Variants in LHFPL3 observed in about 807,000 individuals in gnomAD.
The protein encoded by LHFPL3 is LHFPL tetraspan subfamily member 3 protein.
In LHFPL3, 5 loss-of-function variants were observed where a neutral mutation model predicts 19.3. That is an observed-to-expected ratio of 0.26 (90% CI 0.14 to 0.54). LHFPL3 has a LOEUF of 0.54. LHFPL3 is among the 20% of genes least tolerant of loss of function. The probability of loss-of-function intolerance (pLI) is 0.94; values close to 1 mark genes in which losing one functional copy is unlikely to be tolerated. For synonymous variants in LHFPL3, 133 were observed against 126.2 expected (o/e 1.05, Z -0.36); for missense variants, 249 against 307.4 (o/e 0.81, Z 1.42).
chr7:104,761,431 A>C (rs914677934), intron 2 of LHFPL3, among the ~76,000 whole-genome samples: 1 of 152,118 alleles, frequency 6.6e-6, no homozygotes, highest in Non-Finnish European at 1.5e-5. Flanking sequence ...GAGCAAAAAC[A>C]ATAGGAGGAA....
chr7:104,882,624 G>C (rs1018034234), intron 2 of LHFPL3, among the ~76,000 whole-genome samples: 3 of 152,172 alleles, frequency 2.0e-5, no homozygotes, highest in African/African-American at 4.8e-5. Flanking sequence ...GTGGTATCCA[G>C]GGCCTGAGGG....
At chr7:104,583,897 T>C (rs1317634433) in intron 1 of LHFPL3, among the ~76,000 whole-genome samples, 2 of 151,740 alleles carry the variant, frequency 1.3e-5, no homozygotes. Context: ...GAAGTCAGTG[T>C]GGCGATTCCT....
intron 1 of LHFPL3, among the ~76,000 whole-genome samples, chr7:104,518,302 T>C (rs1793962052): frequency 6.6e-6 from 1 of 152,172 alleles, no homozygotes; most frequent in Admixed American, 6.6e-5. Flanking sequence ...TTTTTAAATT[T>C]CCAATTTATA....
chr7:104,424,260 A>G (rs1584310274), intron 1 of LHFPL3, among the ~76,000 whole-genome samples: 1 of 152,246 alleles, frequency 6.6e-6, no homozygotes, highest in South Asian at 2.1e-4. Flanking sequence ...CTTGCTGTGC[A>G]AGAAGCATCA....
chr7:104,734,003 A>G (rs968661962), intron 1 of LHFPL3, among the ~76,000 whole-genome samples: 4 of 152,140 alleles, frequency 2.6e-5, no homozygotes, highest in African/African-American at 9.7e-5. Flanking sequence ...CTGGATATGA[A>G]ATTCTGGGTT....
intron 1 of LHFPL3, among the ~76,000 whole-genome samples, chr7:104,463,621 A>G (rs996257941): frequency 1.3e-5 from 2 of 152,206 alleles, no homozygotes; most frequent in Non-Finnish European, 2.9e-5. Context: ...GGAAGCAAAC[A>G]CATCCTTCTT....
chr7:104,540,667 C>T (rs1458404998), intron 1 of LHFPL3, among the ~76,000 whole-genome samples: 1 of 152,164 alleles, frequency 6.6e-6, no homozygotes, highest in Non-Finnish European at 1.5e-5. Flanking sequence ...GTCAGGCATT[C>T]TCACATATAG....
At position 104,632,354 on chromosome 7, in the gene LHFPL3, G is replaced by A. The variant is rs537383845; in HGVS notation, c.446-104321G>A. 1.1e-4 allele frequency among the ~76,000 whole-genome samples: 16 copies of A among 152,248 alleles called. 3 individuals are homozygous for A. Among genetic ancestry groups the A allele is most frequent in the Admixed American group, 9.8e-4 (15 of 15,274 alleles). ...ATTACTAATAACACTATTTTAATAT[G>A]ACCTTCAGGATGTAGACGTTGTTAT... On this transcript the variant is annotated intron_variant, in intron 1 of 2. Transcript: ENST00000424859.
At chr7:104,608,684 C>G (rs1791154205) in intron 1 of LHFPL3, among the ~76,000 whole-genome samples, 1 of 152,020 alleles carries the variant, frequency 6.6e-6, no homozygotes, top group Non-Finnish European at 1.5e-5. Context: ...GGGTGCCAAG[C>G]CTAAGACCAA....
intron 1 of LHFPL3, among the ~76,000 whole-genome samples, chr7:104,700,577 C>T (rs1358293476): frequency 6.6e-6 from 1 of 152,226 alleles, no homozygotes; most frequent in Non-Finnish European, 1.5e-5. Flanking sequence ...AATGTCTGAA[C>T]TGCCTTTTCA....
At chr7:104,898,890 G>A (rs147873067) in intron 2 of LHFPL3, among the ~76,000 whole-genome samples, 6,179 of 152,132 alleles carry the variant, frequency 0.041, 399 homozygotes, top group African/African-American at 0.14. Flanking sequence ...GCTGAGGCAG[G>A]CGGATCGCTT....
Position 104,830,223 on chromosome 7 carries a change from G to T in LHFPL3, c.683-75964G>T, listed in dbSNP as rs1277093835. On this transcript the variant is annotated intron_variant, in intron 2 of 2. Coordinates refer to ENST00000424859, the MANE Select transcript of LHFPL3 (RefSeq NM_199000.3). ...TTTGTTTGAGTTCATTGTAGATTCT[G>T]GATATTAGCCCTTTGTCAGATGGGT... Among the ~76,000 whole-genome samples the T allele has an allele frequency of 1.2e-4, 18 of 151,902 alleles. No individual in the cohort carries two copies. In the East Asian group the frequency reaches 3.3e-3, roughly 28 times the overall value.
intron 1 of LHFPL3, among the ~76,000 whole-genome samples, chr7:104,347,346 T>C (rs1790090306): frequency 6.6e-6 from 1 of 152,164 alleles, no homozygotes; most frequent in African/African-American, 2.4e-5. Flanking sequence ...ACTAGGCCTT[T>C]CTAGGGATTT....
rs578030239 is a variant in LHFPL3 at position 104,332,748 on chromosome 7, G to A, written c.445+3524G>A. ...CTTATCCTCTCCCTCCTCACTCTAAGTCTTTATCAAACACAGTAGCATGAA... is the reference window on the plus strand; with the variant it reads ...CTTATCCTCTCCCTCCTCACTCTAAATCTTTATCAAACACAGTAGCATGAA... On this transcript the variant is annotated intron_variant, in intron 1 of 2. Transcript: ENST00000424859. Among the ~76,000 whole-genome samples the A allele has an allele frequency of 2.0e-4, 30 of 152,102 alleles. No individual in the cohort carries two copies. In the South Asian group the frequency reaches 2.9e-3, roughly 15 times the overall value.
At chr7:104,606,545 C>A (rs930538871) in intron 1 of LHFPL3, among the ~76,000 whole-genome samples, 1 of 152,156 alleles carries the variant, frequency 6.6e-6, no homozygotes, top group Non-Finnish European at 1.5e-5. Context: ...CCACTCCAGC[C>A]TGCCTCAAAG....
intron 1 of LHFPL3, among the ~76,000 whole-genome samples, chr7:104,371,605 T>C (rs1790617311): frequency 6.6e-6 from 1 of 151,978 alleles, no homozygotes; most frequent in East Asian, 1.9e-4. Context: ...GGAGTAGTGA[T>C]ATTACCATGA....
chr7:104,830,811 T>C (rs961509399), intron 2 of LHFPL3, among the ~76,000 whole-genome samples: 30 of 151,960 alleles, frequency 2.0e-4, no homozygotes, highest in Non-Finnish European at 5.9e-5. Context: ...GACTTGGCGA[T>C]GCAGGCTGTT....
At chr7:104,753,321 A>G (rs1794213358) in intron 2 of LHFPL3, among the ~76,000 whole-genome samples, 1 of 152,212 alleles carries the variant, frequency 6.6e-6, no homozygotes, top group Non-Finnish European at 1.5e-5. Context: ...CAATTGATGT[A>G]TACAGTGATC....
intron 1 of LHFPL3, among the ~76,000 whole-genome samples, chr7:104,692,829 GCA>G (rs1455756938): frequency 1.3e-5 from 2 of 152,220 alleles, no homozygotes; most frequent in Non-Finnish European, 2.9e-5. Context: ...TGGAGCCCCA[GCA>G]CAGAGTCCCC....
Sources: allele counts gnomAD v4.1 joint callset (sites outside exome capture counted in the v4.1 genomes callset), GRCh38; gene constraint gnomAD v4.1.1; transcripts MANE v1.5; gene names NCBI Gene and HGNC (gene_info 2026-07-23, HGNC 2026-07-21).